RNGTT: variants seen among roughly 807,000 people sequenced by gnomAD.
RNGTT encodes the protein mRNA-capping enzyme.
RNGTT carries 33 observed loss-of-function variants against 79.3 expected under a neutral mutation model. The observed-to-expected ratio is 0.42, with a 90% CI of 0.32 to 0.56. RNGTT has a LOEUF of 0.56. Among genes scored for constraint, RNGTT ranks in the 20% least tolerant of loss-of-function variants. The pLI, the probability that RNGTT is intolerant of heterozygous loss-of-function variation, is 0.17. For missense variants in RNGTT, 497 were observed against 739.1 expected (o/e 0.67, Z 3.80); for synonymous variants, 222 against 235.9 (o/e 0.94, Z 0.54).
intron 12 of RNGTT, among the ~76,000 whole-genome samples, chr6:88,784,345 T>C (rs1246567474): frequency 6.6e-6 from 1 of 152,052 alleles, no homozygotes; most frequent in Admixed American, 6.6e-5. Flanking sequence ...AATGGTAATG[T>C]TTAAATAACT....
At chr6:88,644,546 C>CA (rs779065672) in intron 14 of RNGTT, among the ~76,000 whole-genome samples, 59 of 151,924 alleles carry the variant, frequency 3.9e-4, no homozygotes, top group African/African-American at 1.4e-3. Context: ...AGAGACACAA[C>CA]AAAAAAAGAG....
At chr6:88,864,452 T>A (rs1318458070) in intron 8 of RNGTT, among the ~76,000 whole-genome samples, 1 of 152,144 alleles carries the variant, frequency 6.6e-6, no homozygotes, top group Non-Finnish European at 1.5e-5. Context: ...TGAAGATATC[T>A]GTAGGCAAAA....
At chr6:88,730,051 C>T (rs1212335654) in intron 13 of RNGTT, among the ~76,000 whole-genome samples, 1 of 152,118 alleles carries the variant, frequency 6.6e-6, no homozygotes, top group Non-Finnish European at 1.5e-5. Flanking sequence ...CCACCTTATC[C>T]AGAGAAGCTT....
rs562906640 is a variant in RNGTT at position 88,932,961 on chromosome 6, A to T, written c.175-3694T>A. Among the ~76,000 whole-genome samples the T allele has an allele frequency of 4.6e-5, 7 of 152,190 alleles. No homozygotes were observed. The South Asian group carries it at 1.5e-3, about 32-fold the overall frequency. ...AGGTTGATGGTTGTTTCAATCCCCA[A>T]ATTTTCCTGCCTGGTATTCATCTTT... On this transcript the variant is annotated intron_variant, in intron 2 of 15. Coordinates refer to ENST00000369485, the MANE Select transcript of RNGTT (RefSeq NM_003800.5).
intron 8 of RNGTT, among the ~76,000 whole-genome samples, 180 bp downstream of exon 8, chr6:88,890,315 T>G (rs1317723060): frequency 1.3e-5 from 2 of 152,190 alleles, no homozygotes; most frequent in Non-Finnish European, 2.9e-5. Context: ...GAATGAGAGA[T>G]AACTTGTGCT....
chr6:88,708,540 A>T (rs1269620461), intron 13 of RNGTT, among the ~76,000 whole-genome samples: 7 of 151,974 alleles, frequency 4.6e-5, no homozygotes, highest in Non-Finnish European at 1.0e-4. Flanking sequence ...TGGTAGCTCC[A>T]GCTCCAGCCT....
intron 8 of RNGTT, among the ~76,000 whole-genome samples, chr6:88,864,034 A>G (rs911231243): frequency 2.0e-5 from 3 of 152,136 alleles, no homozygotes; most frequent in Non-Finnish European, 2.9e-5. Flanking sequence ...TCCACTGCTC[A>G]GGAATTTGTA....
chr6:88,945,792 T>C (rs1447715743), intron 1 of RNGTT, among the ~76,000 whole-genome samples: 1 of 152,202 alleles, frequency 6.6e-6, no homozygotes, highest in Non-Finnish European at 1.5e-5. Flanking sequence ...CAAAGTTAGC[T>C]ATACGACTAC....
At chr6:88,849,099 T>A (rs1781583440) in intron 10 of RNGTT, among the ~76,000 whole-genome samples, 1 of 151,976 alleles carries the variant, frequency 6.6e-6, no homozygotes, top group East Asian at 1.9e-4. Context: ...CCACCCCTTA[T>A]GTCTAGTTAT....
chr6:88,699,576 G>C (rs1277674138), intron 13 of RNGTT, among the ~76,000 whole-genome samples: 2 of 152,048 alleles, frequency 1.3e-5, no homozygotes, highest in Non-Finnish European at 2.9e-5. Flanking sequence ...CCAGTAAAAG[G>C]ATCACTTGAG....
intron 10 of RNGTT, among the ~76,000 whole-genome samples, chr6:88,849,093 C>G (rs1781583159): frequency 1.3e-5 from 2 of 151,900 alleles, no homozygotes; most frequent in Non-Finnish European, 2.9e-5. Context: ...ACCCCGCCAC[C>G]CCTTATGTCT....
intron 8 of RNGTT, among the ~76,000 whole-genome samples, chr6:88,865,762 A>G (rs1195271064): frequency 6.6e-6 from 1 of 152,102 alleles, no homozygotes; most frequent in Non-Finnish European, 1.5e-5. Flanking sequence ...ACAAACCCAG[A>G]GCCTGAAATA....
chr6:88,960,453 G>C (rs562790585), intron 1 of RNGTT, among the ~76,000 whole-genome samples: 2 of 152,300 alleles, frequency 1.3e-5, no homozygotes, highest in South Asian at 4.1e-4. Flanking sequence ...ACTAGGGAGG[G>C]CTGGGTGCGG....
chr6:88,749,034 A>G (rs1391785911), intron 13 of RNGTT, among the ~76,000 whole-genome samples: 1 of 152,162 alleles, frequency 6.6e-6, no homozygotes, highest in Non-Finnish European at 1.5e-5. Context: ...AGCAACAAGG[A>G]AAGTCAGAAG....
intron 13 of RNGTT, among the ~76,000 whole-genome samples, chr6:88,698,282 CATATATATCATATATATATGAA>C (rs1775818178): frequency 1.1e-5 from 1 of 93,066 alleles, no homozygotes; most frequent in African/African-American, 5.7e-5. Flanking sequence ...ATATATATTT[CATATATATCATATATATATGAA>C]ATATATATAT....
intron 4 of RNGTT, among the ~76,000 whole-genome samples, chr6:88,906,988 T>A (rs1212248495): frequency 6.6e-6 from 1 of 152,182 alleles, no homozygotes; most frequent in Non-Finnish European, 1.5e-5. Context: ...CAAAAGTGAC[T>A]AGCTACAGAA....
At chr6:88,663,301 T>G (rs981603059) in intron 14 of RNGTT, among the ~76,000 whole-genome samples, 1 of 152,196 alleles carries the variant, frequency 6.6e-6, no homozygotes, top group East Asian at 1.9e-4. Flanking sequence ...TAAGGCTTTA[T>G]GTGAGATAGA....
intron 1 of RNGTT, among the ~76,000 whole-genome samples, chr6:88,953,448 C>T (rs932385021): frequency 2.0e-5 from 3 of 152,006 alleles, no homozygotes; most frequent in Non-Finnish European, 2.9e-5. Flanking sequence ...TAAAAATGAA[C>T]AAAGCCTCCA....
intron 12 of RNGTT, among the ~76,000 whole-genome samples, chr6:88,771,370 C>A (rs1562244389): frequency 7.2e-6 from 1 of 139,034 alleles, no homozygotes; most frequent in Non-Finnish European, 1.6e-5. Context: ...CACACACACA[C>A]AATTTCTTTT....
Sources: gnomAD v4.1 joint callset for allele counts (sites outside exome capture counted in the v4.1 genomes callset) on GRCh38, gnomAD v4.1.1 for gene constraint, MANE v1.5 for transcripts, NCBI Gene and HGNC (gene_info 2026-07-23, HGNC 2026-07-21) for gene names.